SNX30: variants seen among roughly 807,000 people sequenced by gnomAD.
SNX30 encodes sorting nexin-30.
Under a neutral mutation model 46.4 loss-of-function variants are expected in SNX30, and 24 were observed. The ratio of observed to expected loss-of-function variants is 0.52; its 90% confidence interval spans 0.37 to 0.73. SNX30 has a LOEUF of 0.73. Among genes scored for constraint, SNX30 ranks in the 30% least tolerant of loss-of-function variants. The pLI is 0.00. For missense variants in SNX30, 533 were observed against 555.7 expected, an observed-to-expected ratio of 0.96 and a Z score of 0.41; for synonymous variants, 189 against 211.5, an observed-to-expected ratio of 0.89 and a Z score of 0.92.
chr9:112,848,078 G>C (rs1840966698), intron 6 of SNX30, among the ~76,000 whole-genome samples: 1 of 152,122 alleles, frequency 6.6e-6, no homozygotes, highest in East Asian at 1.9e-4. Flanking sequence ...GAGGAGGGCA[G>C]GTGGCGCGAG....
intron 1 of SNX30, among the ~76,000 whole-genome samples, chr9:112,786,992 A>G (rs534918777): frequency 2.4e-4 from 36 of 152,328 alleles, no homozygotes; most frequent in Non-Finnish European, 4.3e-4. Flanking sequence ...CCATGGGAAT[A>G]GAAATCACCC....
At chr9:112,830,647 G>T in intron 3 of SNX30, 78 bp from the exon 4 acceptor site, 1 of 1,356,432 alleles carries the variant, frequency 7.4e-7, no homozygotes. Context: ...AGGGGTAATA[G>T]AACTGTGTGC....
chr9:112,879,699 C>T, downstream of SNX30: 1 of 1,502,444 alleles, frequency 6.7e-7, no homozygotes, highest in Non-Finnish European at 9.2e-7. Flanking sequence ...TCCCTGGTCC[C>T]TTCTTTTGTC....
chr9:112,761,411 C>T (rs535733592), intron 1 of SNX30, among the ~76,000 whole-genome samples: 22 of 152,302 alleles, frequency 1.4e-4, no homozygotes, highest in Admixed American at 1.2e-3. Flanking sequence ...GATCCACCCT[C>T]CTTGGCCTCC....
At chr9:112,879,201 C>G (rs1341687245), downstream of SNX30, 6 of 152,224 alleles carry the variant, frequency 3.9e-5, no homozygotes, top group African/African-American at 1.2e-4. Context: ...GTAAGGAAGA[C>G]TCAGGAAAGA....
In SNX30 at chr9:112,835,880, G is replaced by A. The variant is rs570174803; in HGVS notation, c.619-334G>A. Among the ~76,000 whole-genome samples the A allele has an allele frequency of 5.3e-5, 8 of 152,142 alleles. No homozygotes were observed. The East Asian group carries it at 9.7e-4, about 18-fold the overall frequency. On this transcript the variant is annotated intron_variant, in intron 4 of 8. Coordinates refer to ENST00000374232, the MANE Select transcript of SNX30 (RefSeq NM_001012994.2). ...GTTTTGCTTGTAAAGACAATATAGGGTACTTTGTATGGGAGAAACAGATAC... is the reference window on the plus strand; with the variant it reads ...GTTTTGCTTGTAAAGACAATATAGGATACTTTGTATGGGAGAAACAGATAC...
chr9:112,827,669 A>G (rs1840598384), intron 3 of SNX30, among the ~76,000 whole-genome samples: 1 of 151,944 alleles, frequency 6.6e-6, no homozygotes, highest in Non-Finnish European at 1.5e-5. Flanking sequence ...GCTATGTCTT[A>G]TTTCTGGTTT....
intron 1 of SNX30, among the ~76,000 whole-genome samples, chr9:112,796,820 G>C (rs566267558): frequency 6.6e-6 from 1 of 152,190 alleles, no homozygotes; most frequent in Non-Finnish European, 1.5e-5. Context: ...GTGTCCCATT[G>C]CCCTTCCCAG....
At chr9:112,796,708 A>G (rs1840114012) in intron 1 of SNX30, among the ~76,000 whole-genome samples, 1 of 152,194 alleles carries the variant, frequency 6.6e-6, no homozygotes, top group African/African-American at 2.4e-5. Flanking sequence ...ATCTGTGGTC[A>G]GCAGAAATGG....
chr9:112,860,849 A>G (rs1469806636), intron 7 of SNX30, among the ~76,000 whole-genome samples: 1 of 152,218 alleles, frequency 6.6e-6, no homozygotes, highest in Non-Finnish European at 1.5e-5. Context: ...GTGAACAGCA[A>G]ATTATAATAT....
At chr9:112,824,645 A>G (rs945646427) in intron 3 of SNX30, among the ~76,000 whole-genome samples, 4 of 152,086 alleles carry the variant, frequency 2.6e-5, no homozygotes, top group Non-Finnish European at 5.9e-5. Context: ...CTAGGGCTGC[A>G]TTCCACCAGA....
At chr9:112,795,307 G>T (rs748436161) in intron 1 of SNX30, among the ~76,000 whole-genome samples, 4 of 152,118 alleles carry the variant, frequency 2.6e-5, no homozygotes, top group Non-Finnish European at 4.4e-5. Context: ...GGACATCGGG[G>T]CTTAGATTAA....
chr9:112,788,962 A>T (rs1839974333), intron 1 of SNX30, among the ~76,000 whole-genome samples: 1 of 151,932 alleles, frequency 6.6e-6, no homozygotes, highest in South Asian at 2.1e-4. Flanking sequence ...CGCCCAGCTA[A>T]TTTTTGTATT....
intron 7 of SNX30, among the ~76,000 whole-genome samples, chr9:112,861,888 T>C (rs1202395960): frequency 6.6e-6 from 1 of 152,080 alleles, no homozygotes; most frequent in East Asian, 1.9e-4. Context: ...GCCCCCTCCA[T>C]CCTCCTCAGC....
intron 8 of SNX30, among the ~76,000 whole-genome samples, chr9:112,866,816 C>G (rs1194837957): frequency 2.2e-5 from 2 of 91,504 alleles, no homozygotes; most frequent in Non-Finnish European, 4.7e-5. Flanking sequence ...AGAACTCCCC[C>G]CATTAGAATT....
At chr9:112,848,763 C>G (rs1840978804) in intron 6 of SNX30, among the ~76,000 whole-genome samples, 1 of 152,188 alleles carries the variant, frequency 6.6e-6, no homozygotes, top group Non-Finnish European at 1.5e-5. Context: ...AGGCCCAGGC[C>G]AACTGGAGAG....
chr9:112,771,202 C>T (rs1429747180), intron 1 of SNX30, among the ~76,000 whole-genome samples: 1 of 152,214 alleles, frequency 6.6e-6, no homozygotes, highest in African/African-American at 2.4e-5. Context: ...AATTTCCATG[C>T]ATGAACCAAA....
intron 2 of SNX30, among the ~76,000 whole-genome samples, chr9:112,816,409 G>A (rs1025665871): frequency 3.9e-5 from 6 of 152,120 alleles, no homozygotes; most frequent in African/African-American, 1.4e-4. Flanking sequence ...AGTTCCTTTG[G>A]GAAAATCATC....
At chr9:112,753,594 G>T (rs1175601145) in intron 1 of SNX30, among the ~76,000 whole-genome samples, 3 of 152,180 alleles carry the variant, frequency 2.0e-5, no homozygotes, top group Admixed American at 1.3e-4. Flanking sequence ...TGTTGGCCAG[G>T]CTAGTCTCGA....
Sources: gnomAD v4.1 joint callset for allele counts (sites outside exome capture counted in the v4.1 genomes callset) on GRCh38, gnomAD v4.1.1 for gene constraint, MANE v1.5 for transcripts, NCBI Gene and HGNC (gene_info 2026-07-23, HGNC 2026-07-21) for gene names.